The following NBEA variants were observed in gnomAD, a reference collection of about 807,000 sequenced individuals.
The protein encoded by NBEA is lysosomal-trafficking regulator 2.
NBEA carries 44 observed loss-of-function variants against 343.4 expected under a neutral mutation model. The ratio of observed to expected loss-of-function variants is 0.13; its 90% CI spans 0.10 to 0.16. NBEA has a LOEUF of 0.16. NBEA is among the 10% of genes least tolerant of loss of function. The pLI is 1.00. For missense variants in NBEA, 2,555 were observed against 3,631.3 expected (o/e 0.70, Z 7.62); for synonymous variants, 1,175 against 1,238.7 (o/e 0.95, Z 1.08).
At chr13:35,654,833 G>A in intron 53 of NBEA, 22 bp from the exon 54 acceptor site, 1 of 1,553,564 alleles carries the variant, frequency 6.4e-7, no homozygotes, top group African/African-American at 1.4e-5. Context: ...TTCTTCAAAT[G>A]CTTTTTTCCA....
At chr13:35,069,066 G>A (rs1329252299) in intron 8 of NBEA, among the ~76,000 whole-genome samples, 1 of 152,080 alleles carries the variant, frequency 6.6e-6, no homozygotes, top group Non-Finnish European at 1.5e-5. Context: ...GATAATTAGT[G>A]GCAGAGTCAG....
chr13:35,498,606 A>G (rs2076773108), intron 41 of NBEA, among the ~76,000 whole-genome samples: 1 of 152,102 alleles, frequency 6.6e-6, no homozygotes, highest in Non-Finnish European at 1.5e-5. Context: ...AGTCTCTTCA[A>G]TAAATTGTAT....
intron 53 of NBEA, among the ~76,000 whole-genome samples, chr13:35,654,173 C>T (rs1376572840): frequency 6.6e-6 from 1 of 152,214 alleles, no homozygotes; most frequent in Non-Finnish European, 1.5e-5. Context: ...GATGGTGTCT[C>T]TGAGTTCCTG....
At chr13:35,128,884 C>A (rs118183317) in intron 17 of NBEA, among the ~76,000 whole-genome samples, 1 of 151,996 alleles carries the variant, frequency 6.6e-6, no homozygotes, top group Non-Finnish European at 1.5e-5. Flanking sequence ...ATTTTTTAAC[C>A]CTTCACCCTA....
chr13:35,300,333 G>GA (rs1349456907), intron 35 of NBEA, among the ~76,000 whole-genome samples: 1 of 151,890 alleles, frequency 6.6e-6, no homozygotes, highest in East Asian at 1.9e-4. Flanking sequence ...CAAAAAACAA[G>GA]AAAAACAAGT....
chr13:35,433,906 T>C (rs146986694), intron 39 of NBEA, among the ~76,000 whole-genome samples: 4 of 152,190 alleles, frequency 2.6e-5, no homozygotes, highest in African/African-American at 9.6e-5. Flanking sequence ...ACCAATAATT[T>C]AGACTTTTTC....
chr13:34,995,179 G>T (rs2060896160), intron 1 of NBEA, among the ~76,000 whole-genome samples: 1 of 152,178 alleles, frequency 6.6e-6, no homozygotes, highest in Non-Finnish European at 1.5e-5. Context: ...CTGGCTGGGT[G>T]TGGTGGCTCA....
intron 1 of NBEA, among the ~76,000 whole-genome samples, chr13:34,986,719 C>A (rs969826195): frequency 1.3e-5 from 2 of 150,802 alleles, no homozygotes; most frequent in Non-Finnish European, 3.0e-5. Flanking sequence ...CTGGGTGCTC[C>A]TGTATTGGGT....
chr13:35,519,225 A>C (rs1031427115), intron 41 of NBEA, among the ~76,000 whole-genome samples: 4 of 152,160 alleles, frequency 2.6e-5, no homozygotes, highest in Non-Finnish European at 5.9e-5. Context: ...GGGAAAAGTA[A>C]AAATTTTCTG....
intron 10 of NBEA, among the ~76,000 whole-genome samples, chr13:35,082,823 T>C (rs1307416917): frequency 6.6e-6 from 1 of 152,168 alleles, no homozygotes; most frequent in African/African-American, 2.4e-5. Context: ...CATTAGCCCT[T>C]TGTCAGATGA....
At chr13:35,560,917 T>C (rs769447270) in intron 44 of NBEA, among the ~76,000 whole-genome samples, 4 of 150,426 alleles carry the variant, frequency 2.7e-5, no homozygotes, top group Non-Finnish European at 5.9e-5. Flanking sequence ...CAAAGCAGGA[T>C]TGCTAAAACC....
chr13:35,424,159 T>C (rs1260325572), intron 38 of NBEA, among the ~76,000 whole-genome samples: 2 of 152,206 alleles, frequency 1.3e-5, no homozygotes, highest in African/African-American at 4.8e-5. Context: ...CCTGCCTGAT[T>C]GCCCTGGCCA....
chr13:35,026,045 G>A (rs1241350151), intron 1 of NBEA, among the ~76,000 whole-genome samples: 1 of 151,848 alleles, frequency 6.6e-6, no homozygotes, highest in Non-Finnish European at 1.5e-5. Flanking sequence ...ATCTCCACAT[G>A]TCAAGGACAG....
intron 34 of NBEA, among the ~76,000 whole-genome samples, chr13:35,268,217 G>C (rs993557238): frequency 6.6e-6 from 1 of 152,016 alleles, no homozygotes; most frequent in Non-Finnish European, 1.5e-5. Flanking sequence ...AATGACCCTT[G>C]AGGACATTAA....
At chr13:35,290,472 G>A in intron 35 of NBEA, 22 bp downstream of exon 35, 2 of 1,571,574 alleles carry the variant, frequency 1.3e-6, no homozygotes, top group Non-Finnish European at 1.7e-6. Flanking sequence ...CATTCACTCA[G>A]TTACATTAAT....
chr13:35,237,943 T>G (rs572536464), intron 34 of NBEA, among the ~76,000 whole-genome samples: 2 of 152,312 alleles, frequency 1.3e-5, no homozygotes, highest in South Asian at 2.1e-4. Context: ...TCTAGAACAA[T>G]GTAGTTCACC....
At chr13:35,292,294 A>G (rs1300250887) in intron 35 of NBEA, among the ~76,000 whole-genome samples, 1 of 152,016 alleles carries the variant, frequency 6.6e-6, no homozygotes, top group Non-Finnish European at 1.5e-5. Flanking sequence ...GTTTCTTAAA[A>G]TAATGTGCCA....
intron 49 of NBEA, among the ~76,000 whole-genome samples, chr13:35,630,065 TTAAA>T (rs1014934403): frequency 2.0e-5 from 2 of 99,054 alleles, no homozygotes; most frequent in African/African-American, 6.3e-5. Context: ...ATAAAATAAA[TTAAA>T]TAAATTAAAT....
intron 1 of NBEA, among the ~76,000 whole-genome samples, chr13:34,959,930 A>G (rs897830839): frequency 3.3e-5 from 5 of 152,256 alleles, no homozygotes; most frequent in African/African-American, 1.2e-4. Context: ...ATAAGCAGCT[A>G]TGTTACTGGT....
Sources: allele counts gnomAD v4.1 joint callset (sites outside exome capture counted in the v4.1 genomes callset), GRCh38; gene constraint gnomAD v4.1.1; transcripts MANE v1.5; gene names NCBI Gene and HGNC (gene_info 2026-07-23, HGNC 2026-07-21).